The following SOCS5 variants were observed in gnomAD, a reference collection of about 807,000 sequenced individuals.
The protein encoded by SOCS5 is CIS-6.
SOCS5 carries 32 observed loss-of-function variants against 42.8 expected under a neutral mutation model. The ratio of observed to expected loss-of-function variants is 0.75; its 90% confidence interval spans 0.56 to 1.01. The LOEUF (loss-of-function observed/expected upper bound fraction) is 1.01, where lower values mean the gene tolerates loss of function less well. SOCS5 is among the 50% of genes least tolerant of loss of function. The pLI is 0.00. For synonymous variants in SOCS5, 283 were observed against 229.6 expected (o/e 1.23, Z -2.10); for missense variants, 627 against 653.0 (o/e 0.96, Z 0.43).
At chr2:46,754,421 C>CT (rs906122236) in intron 1 of SOCS5, among the ~76,000 whole-genome samples, 6 of 152,104 alleles carry the variant, frequency 3.9e-5, no homozygotes, top group South Asian at 2.1e-4. Flanking sequence ...AGTCATTCAA[C>CT]TTTATAAAAC....
intron 1 of SOCS5, among the ~76,000 whole-genome samples, chr2:46,756,467 A>C (rs1235108981): frequency 7.9e-5 from 12 of 152,222 alleles, no homozygotes; most frequent in Admixed American, 6.5e-5. Flanking sequence ...CCCTTCAAAA[A>C]ACAGGCCACA....
intron 1 of SOCS5, among the ~76,000 whole-genome samples, chr2:46,741,646 CTGT>C (rs2103741777): frequency 6.6e-6 from 1 of 152,154 alleles, no homozygotes; most frequent in African/African-American, 2.4e-5. Flanking sequence ...GTGTTGAGGT[CTGT>C]TTAGTTGTAC....
chr2:46,735,742 T>C (rs1263175797), intron 1 of SOCS5, among the ~76,000 whole-genome samples: 2 of 152,076 alleles, frequency 1.3e-5, no homozygotes, highest in East Asian at 1.9e-4. Context: ...CAGATGGCAG[T>C]ATTTAAATAC....
intron 1 of SOCS5, among the ~76,000 whole-genome samples, chr2:46,731,751 G>A (rs1237301968): frequency 6.6e-6 from 1 of 151,904 alleles, no homozygotes; most frequent in East Asian, 1.9e-4. Flanking sequence ...TAAGATTGAG[G>A]CACAACCCAT....
In SOCS5 at chr2:46,699,754, A is replaced by C. The variant is rs1430929711; in HGVS notation, c.-13+305A>C. 6.6e-6 allele frequency among the ~76,000 whole-genome samples: 1 copy of C among 151,948 alleles called. No homozygotes were observed. The highest frequency in any genetic ancestry group is 1.5e-5 in the Non-Finnish European group (1 of 67,974). On this transcript the variant is annotated intron_variant, in intron 1 of 1. Transcript: ENST00000394861. This position sits in a 1 kb window ranked among gnomAD's most constrained non-coding sequence, Gnocchi z 4.8. ...CTGGTTGGAGGAACGTGGGGTTCCT[A>C]AGGGGAAGGGGGTCGTCCGGGGCCA...
chr2:46,734,246 AAATG>A (rs1472366702), intron 1 of SOCS5, among the ~76,000 whole-genome samples: 3 of 152,204 alleles, frequency 2.0e-5, no homozygotes, highest in Non-Finnish European at 4.4e-5. Flanking sequence ...TCATTGCAGA[AAATG>A]AATGCCACTT....
At position 46,736,040 on chromosome 2, in the gene SOCS5, C is replaced by T. The variant is rs191263810; in HGVS notation, c.-12-22479C>T. On this transcript the variant is annotated intron_variant, in intron 1 of 1. Transcript: ENST00000394861. ...CCTCCCCTTCTGTACCTCTCTTTCC[C>T]CCTCTCTCCCTCCCTCTTTTGAGAC... Among the ~76,000 whole-genome samples, 246 of 151,234 alleles carry T rather than the reference C, an allele frequency of 1.6e-3. 1 individual carries two copies. The highest frequency in any genetic ancestry group is 5.8e-3 in the African/African-American group (240 of 41,192).
chr2:46,738,687 A>T (rs992971892), intron 1 of SOCS5, among the ~76,000 whole-genome samples: 4 of 152,148 alleles, frequency 2.6e-5, no homozygotes, highest in Non-Finnish European at 5.9e-5. Context: ...TTTGTTTATA[A>T]CTGTAAAGGT....
At chr2:46,732,661 T>A (rs1673152054) in intron 1 of SOCS5, among the ~76,000 whole-genome samples, 1 of 152,190 alleles carries the variant, frequency 6.6e-6, no homozygotes, top group African/African-American at 2.4e-5. Context: ...GTAACACTCC[T>A]GGAGACAGTA....
At position 46,747,607 on chromosome 2, in the gene SOCS5, C is replaced by A. The variant is rs559097412; in HGVS notation, c.-12-10912C>A. On this transcript the variant is annotated intron_variant, in intron 1 of 1. Coordinates refer to ENST00000394861, the MANE Select transcript of SOCS5 (RefSeq NM_144949.3). ...TGTAGTCTGTGGCCCTGGGCTGTTA[C>A]ACTTTTTAAGGTTTCTTTGTTCTTC... 2.0e-5 allele frequency among the ~76,000 whole-genome samples: 3 copies of A among 152,252 alleles called. No homozygotes were observed. The East Asian group carries it at 5.8e-4, about 29-fold the overall frequency.
intron 1 of SOCS5, among the ~76,000 whole-genome samples, chr2:46,753,457 T>TAAGTA (rs1428128929): frequency 6.6e-6 from 1 of 152,228 alleles, no homozygotes; most frequent in African/African-American, 2.4e-5. Context: ...ATACCTTAAG[T>TAAGTA]AGTTTATTCT....
intron 1 of SOCS5, among the ~76,000 whole-genome samples, chr2:46,720,144 T>C (rs1364042236): frequency 6.6e-6 from 1 of 152,164 alleles, no homozygotes; most frequent in African/African-American, 2.4e-5. Context: ...TAAAAACTTG[T>C]ACCTCATAGG....
intron 1 of SOCS5, among the ~76,000 whole-genome samples, chr2:46,716,524 C>G (rs1234097053): frequency 1.3e-5 from 2 of 151,966 alleles, no homozygotes; most frequent in Non-Finnish European, 1.5e-5. Flanking sequence ...TTCACCCCAG[C>G]TAGAGTGCAG....
In SOCS5 at chr2:46,759,368, C is replaced by G; in HGVS notation, c.838C>G (p.Pro280Ala). Reference sequence around the variant, plus strand: ...TATTGAAGAAGGGGTTGATCCCCCTCCCAATGCACAAATACATACATTTGA... The same window carrying G: ...TATTGAAGAAGGGGTTGATCCCCCTGCCAATGCACAAATACATACATTTGA... ...LSIEEGVDPPPNAQIHTFEAT... is the reference protein window; with the variant it reads ...LSIEEGVDPPANAQIHTFEAT... The change falls in exon 2 of 2, where the codon CCC (proline) becomes GCC (alanine). Residue 280 changes from proline (P) to alanine (A), a missense_variant. Physicochemically the swap from Pro to Ala is conservative, Grantham distance 27. Around this residue, in one of 3 missense-constraint regions of SOCS5, gnomAD observed 340 missense variants for 367.6 expected, o/e 0.92. Coordinates refer to ENST00000394861, the MANE Select transcript of SOCS5 (RefSeq NM_144949.3). The G allele has an allele frequency of 6.2e-7, 1 of 1,613,904 alleles. No homozygotes were observed. The highest frequency in any genetic ancestry group is 2.2e-5 in the East Asian group (1 of 44,866).
chr2:46,708,719 C>A (rs1329523460), intron 1 of SOCS5, among the ~76,000 whole-genome samples: 2 of 152,122 alleles, frequency 1.3e-5, no homozygotes, highest in African/African-American at 4.8e-5. Flanking sequence ...CAGTTGGGAT[C>A]TTTCTTCCTG....
chr2:46,710,621 G>C (rs999748852), intron 1 of SOCS5, among the ~76,000 whole-genome samples: 1 of 152,100 alleles, frequency 6.6e-6, no homozygotes, highest in African/African-American at 2.4e-5. Flanking sequence ...TCTTCAGTCT[G>C]ATAAAGGGCA....
intron 1 of SOCS5, among the ~76,000 whole-genome samples, chr2:46,740,712 G>A (rs148653495): frequency 1.2e-3 from 177 of 152,004 alleles, no homozygotes; most frequent in African/African-American, 3.9e-3. Context: ...AAGAACCAGA[G>A]TTCTAGAATG....
In SOCS5 at chr2:46,757,564, A is replaced by T. The variant is rs183868532; in HGVS notation, c.-12-955A>T. On this transcript the variant is annotated intron_variant, in intron 1 of 1. Transcript: ENST00000394861. ...ACTCTTCCAGGATTAAAGAATTGGG[A>T]AGTTTAAAGACACCTTTCCTGGCCG... 2.1e-4 allele frequency among the ~76,000 whole-genome samples: 32 copies of T among 152,238 alleles called. No individual in the cohort carries two copies. The East Asian group carries it at 6.0e-3, about 29-fold the overall frequency.
chr2:46,760,117 A>G lies in SOCS5; in HGVS notation c.1587A>G (p.Glu529=), dbSNP rs764198017. Residue 529 remains glutamate, a synonymous_variant, in exon 2 of 2, where the codon GAA becomes GAG. Coordinates refer to ENST00000394861, the MANE Select transcript of SOCS5 (RefSeq NM_144949.3). ...YKQKVRVRWL[E]REPVKAK Reference sequence around the variant, plus strand: ...AAAAAGTTAGAGTTCGCTGGTTGGAACGAGAACCAGTCAAGGCAAAGTAAA... The same window carrying G: ...AAAAAGTTAGAGTTCGCTGGTTGGAGCGAGAACCAGTCAAGGCAAAGTAAA... 13 of 1,613,262 alleles carry G rather than the reference A, an allele frequency of 8.1e-6. No homozygotes were observed. The highest frequency in any genetic ancestry group is 4.0e-5 in the African/African-American group (3 of 74,838).
Sources: gnomAD v4.1 joint callset for allele counts (sites outside exome capture counted in the v4.1 genomes callset) on GRCh38, gnomAD v4.1.1 for gene constraint, gnomAD v4.1.1 regional missense constraint, Gnocchi (gnomAD v3.1) non-coding constraint, MANE v1.5 for transcripts, NCBI Gene and HGNC (gene_info 2026-07-23, HGNC 2026-07-21) for gene names.